Variants in LIN28B observed in about 807,000 individuals in gnomAD.
LIN28B encodes lin-28 RNA binding posttranscriptional regulator B, also known as protein lin-28 homolog B.
In LIN28B, 5 loss-of-function variants were observed where a neutral mutation model predicts 21.9. The observed-to-expected ratio is 0.23, with a 90% CI of 0.12 to 0.48. The LOEUF is 0.48. Among genes scored for constraint, LIN28B ranks in the 20% least tolerant of loss-of-function variants. The probability of loss-of-function intolerance (pLI) is 0.98; values close to 1 mark genes in which losing one functional copy is unlikely to be tolerated. For synonymous variants in LIN28B, 109 were observed against 111.3 expected, an observed-to-expected ratio of 0.98 and a Z score of 0.13; for missense variants, 245 against 310.5, an observed-to-expected ratio of 0.79 and a Z score of 1.58.
intron 2 of LIN28B, among the ~76,000 whole-genome samples, chr6:105,005,123 C>A (rs1212247): frequency 6.6e-6 from 1 of 152,152 alleles, no homozygotes; most frequent in Non-Finnish European, 1.5e-5. Context: ...ACTTTTCCCT[C>A]CACATTTTCA....
intron 3 of LIN28B, among the ~76,000 whole-genome samples, chr6:105,046,856 G>T (rs1771777798): frequency 6.6e-6 from 1 of 151,996 alleles, no homozygotes; most frequent in South Asian, 2.1e-4. Context: ...CCACTTGTTG[G>T]TGGGGTTGTT....
Position 104,995,436 on chromosome 6 carries a change from C to G in LIN28B, c.199-30862C>G, listed in dbSNP as rs186272039. On this transcript the variant is annotated intron_variant, in intron 2 of 3. Transcript: ENST00000345080. Reference sequence around the variant, plus strand: ...AGAGGGATCCTCAGATTTGGGGGGGCCAGATATAAAATCTGTTTTAGAAAT... The same window carrying G: ...AGAGGGATCCTCAGATTTGGGGGGGGCAGATATAAAATCTGTTTTAGAAAT... Among the ~76,000 whole-genome samples, 894 of 152,056 alleles carry G rather than the reference C, an allele frequency of 5.9e-3. 7 individuals carry two copies. The highest frequency in any genetic ancestry group is 0.02 in the African/African-American group (846 of 41,468).
upstream of LIN28B, among the ~76,000 whole-genome samples, chr6:104,953,460 T>C (rs529669350): frequency 6.6e-6 from 1 of 152,316 alleles, no homozygotes; most frequent in Admixed American, 6.5e-5. Context: ...AATAGTAGGT[T>C]GTGCGTAGTG....
intron 3 of LIN28B, among the ~76,000 whole-genome samples, chr6:105,052,347 A>AT (rs1418549391): frequency 6.6e-6 from 1 of 152,110 alleles, no homozygotes. Context: ...GATGAAAAAA[A>AT]TTTTTATTGG....
intron 3 of LIN28B, among the ~76,000 whole-genome samples, chr6:105,056,977 G>A (rs190303570): frequency 6.2e-4 from 94 of 152,214 alleles, no homozygotes; most frequent in Admixed American, 1.4e-3. Context: ...AAACAGTTGC[G>A]TCTTATATCT....
chr6:104,949,435 G>A (rs181793137), intron 2 of LIN28B, among the ~76,000 whole-genome samples: 39 of 152,184 alleles, frequency 2.6e-4, no homozygotes, highest in Admixed American at 2.6e-4. Context: ...CTAACTCGGT[G>A]GGATTGTCAT....
At chr6:105,077,836 T>C (rs933619143) in intron 3 of LIN28B, among the ~76,000 whole-genome samples, 2 of 152,248 alleles carry the variant, frequency 1.3e-5, no homozygotes, top group African/African-American at 4.8e-5. Flanking sequence ...CTTTCTTATA[T>C]ATCAAATTTC....
intron 3 of LIN28B, among the ~76,000 whole-genome samples, chr6:105,067,448 AG>A (rs1445433610): frequency 6.6e-6 from 1 of 152,206 alleles, no homozygotes; most frequent in Non-Finnish European, 1.5e-5. Flanking sequence ...GGGTTCTGAA[AG>A]CAGCACTGGC....
chr6:104,994,768 G>A (rs1017234224), intron 2 of LIN28B, among the ~76,000 whole-genome samples: 1 of 152,180 alleles, frequency 6.6e-6, no homozygotes, highest in Non-Finnish European at 1.5e-5. Context: ...AGGACGGTGT[G>A]AGACAGTTGG....
rs1400691090 is a variant in LIN28B, at chr6:105,080,091, G to T, written c.*1308G>T. ...TGCTTATTCTGAAGTAACCTATATGGTGGATACAGGATGAACATTCAGTGC... is the reference window on the plus strand; with the variant it reads ...TGCTTATTCTGAAGTAACCTATATGTTGGATACAGGATGAACATTCAGTGC... On this transcript the variant is annotated 3_prime_UTR_variant, in exon 4 of 4. Coordinates refer to ENST00000345080, the MANE Select transcript of LIN28B (RefSeq NM_001004317.4). 2.6e-5 allele frequency: 4 copies of T among 152,388 alleles called. No homozygotes were observed. The highest frequency in any genetic ancestry group is 2.0e-4 in the Admixed American group (3 of 15,274). The allele number at this position is 152,388 out of a possible 1,614,324, so 9.4% of individuals were successfully genotyped here.
At chr6:105,009,067 G>A (rs561609609) in intron 2 of LIN28B, among the ~76,000 whole-genome samples, 1 of 152,062 alleles carries the variant, frequency 6.6e-6, no homozygotes, top group Admixed American at 6.5e-5. Context: ...TGGTTTTTTT[G>A]TGTGTGTGAA....
rs1769616151 is a variant in LIN28B, at chr6:104,958,124, A to G, written c.36A>G (p.Glu12=). ...GCGGGGCTAGCAAAGGTGGTGGAGAAGAGCCCGGGAAGCTGCCGGAGCCGG... is the reference window on the plus strand; with the variant it reads ...GCGGGGCTAGCAAAGGTGGTGGAGAGGAGCCCGGGAAGCTGCCGGAGCCGG... ...AEGGASKGGG[E]EPGKLPEPAE... Residue 12 remains glutamate, a synonymous_variant, in exon 2 of 4, where the codon GAA becomes GAG. Coordinates refer to ENST00000345080, the MANE Select transcript of LIN28B (RefSeq NM_001004317.4). The G allele has an allele frequency of 1.3e-6, 2 of 1,599,604 alleles. No homozygotes were observed. Among genetic ancestry groups the G allele is most frequent in the Non-Finnish European group, 8.5e-7 (1 of 1,170,036 alleles).
chr6:105,067,992 C>T (rs1158791050), intron 3 of LIN28B, among the ~76,000 whole-genome samples: 7 of 152,076 alleles, frequency 4.6e-5, no homozygotes, highest in South Asian at 2.1e-4. Flanking sequence ...ACCCATTCCC[C>T]GCATTTTTCC....
chr6:105,020,102 T>A (rs1771105679), intron 2 of LIN28B, among the ~76,000 whole-genome samples: 1 of 149,392 alleles, frequency 6.7e-6, no homozygotes, highest in Non-Finnish European at 1.5e-5. Context: ...CTTATTCCTG[T>A]TATTCTTTTT....
chr6:104,945,880 T>C (rs1035108406), intron 2 of LIN28B, among the ~76,000 whole-genome samples: 4 of 152,072 alleles, frequency 2.6e-5, no homozygotes, highest in African/African-American at 9.7e-5. Context: ...AAATTATTAC[T>C]CATTTGTTTT....
chr6:104,953,786 C>A (rs1778250840), upstream of LIN28B, among the ~76,000 whole-genome samples: 2 of 152,198 alleles, frequency 1.3e-5, no homozygotes, highest in African/African-American at 4.8e-5. Flanking sequence ...GCTACAGACC[C>A]CGCCTTATTT....
At chr6:105,062,150 T>C (rs1772133490) in intron 3 of LIN28B, among the ~76,000 whole-genome samples, 1 of 152,020 alleles carries the variant, frequency 6.6e-6, no homozygotes, top group Non-Finnish European at 1.5e-5. Flanking sequence ...ATGGTACTGC[T>C]CCTTGCGGAG....
chr6:105,065,366 TCA>T (rs1217681704), intron 3 of LIN28B, among the ~76,000 whole-genome samples: 1 of 152,232 alleles, frequency 6.6e-6, no homozygotes, highest in Non-Finnish European at 1.5e-5. Context: ...GAAGATAATA[TCA>T]CAGTTTACAG....
At chr6:104,956,394 A>G (rs1386309770), upstream of LIN28B, among the ~76,000 whole-genome samples, 3 of 152,158 alleles carry the variant, frequency 2.0e-5, no homozygotes, top group Non-Finnish European at 1.5e-5. Context: ...TGTGAAGTAC[A>G]ATTCCTTACC....
Sources: gnomAD v4.1 joint callset for allele counts (sites outside exome capture counted in the v4.1 genomes callset) on GRCh38, gnomAD v4.1.1 for gene constraint, MANE v1.5 for transcripts, NCBI Gene and HGNC (gene_info 2026-07-23, HGNC 2026-07-21) for gene names.